ZSWIM3: variants seen among roughly 807,000 people sequenced by gnomAD.
ZSWIM3 encodes zinc finger SWIM-type containing 3, also known as zinc finger SWIM domain-containing protein 3.
A neutral mutation model predicts 47.5 loss-of-function variants in ZSWIM3; 27 were observed. That is an observed-to-expected ratio of 0.57 (90% CI 0.42 to 0.78). The LOEUF (loss-of-function observed/expected upper bound fraction) is 0.78, where lower values mean the gene tolerates loss of function less well. ZSWIM3 is among the 30% of genes least tolerant of loss of function. ZSWIM3 has a pLI of 0.00. For synonymous variants in ZSWIM3, 333 were observed against 333.9 expected (o/e 1.00, Z 0.03); for missense variants, 689 against 861.3 (o/e 0.80, Z 2.50).
At chr20:45,876,024 GTTTTTTGTTTTTTTGT>G (rs141851265) in intron 1 of ZSWIM3, among the ~76,000 whole-genome samples, 22 of 148,788 alleles carry the variant, frequency 1.5e-4, no homozygotes, top group African/African-American at 4.2e-4. Flanking sequence ...CTGTTTGTTT[GTTTTTTGTTTTTTTGT>G]TTTTTTGTTT....
intron 1 of ZSWIM3, among the ~76,000 whole-genome samples, chr20:45,871,079 T>C (rs1393008532): frequency 6.6e-6 from 1 of 152,160 alleles, no homozygotes; most frequent in African/African-American, 2.4e-5. Flanking sequence ...TTTTTCTGTT[T>C]CCCTTAATCT....
Position 45,877,300 on chromosome 20 carries a change from G to C in ZSWIM3, c.742G>C (p.Val248Leu), listed in dbSNP as rs1466988168. ...GGAGAACAAGGAACGAGAAAGTCGA[G>C]TGGTGCACTTTGCTGTGCTCAAGGC... ...LVENKERESRVVHFAVLKAET... is the reference protein window; with the variant it reads ...LVENKERESRLVHFAVLKAET... The change falls in exon 2 of 2, where the codon GTG becomes CTG. Residue 248 changes from valine to leucine, a missense_variant. Physicochemically the swap from Val to Leu is conservative, Grantham distance 32. Coordinates refer to ENST00000255152, the MANE Select transcript of ZSWIM3 (RefSeq NM_080752.4). 6.2e-7 allele frequency: 1 copy of C among 1,614,190 alleles called. No individual in the cohort carries two copies. Among genetic ancestry groups the C allele is most frequent in the Non-Finnish European group, 8.5e-7 (1 of 1,180,042 alleles).
Position 45,877,380 on chromosome 20 carries a change from C to G in ZSWIM3, c.822C>G (p.Ser274=), listed in dbSNP as rs777906861. 3 of 1,614,164 alleles carry G rather than the reference C, an allele frequency of 1.9e-6. No individual in the cohort carries two copies. In the South Asian group the frequency reaches 3.3e-5, roughly 18 times the overall value. ...TGAGCATCTTCACAGAGTTCAACTC[C>G]GATTGGCCCAAGGTCAAGGTGGTCT... The part of the protein sequence containing the change: ...KMLSIFTEFN[S]DWPKVKVVFV... Residue 274 remains serine (S), a synonymous_variant, in exon 2 of 2, where the codon TCC becomes TCG. Coordinates refer to ENST00000255152, the MANE Select transcript of ZSWIM3 (RefSeq NM_080752.4).
Position 45,876,905 on chromosome 20 carries a change from G to A in ZSWIM3, c.347G>A (p.Gly116Asp). ...GCTAGTCCTGGAGGAGACACCACTG[G>A]CAAATCTCAAAAGACAATGTGCCTG... is the stretch of plus-strand genomic sequence containing the variant. ...KVASPGGDTTGKSQKTMCLQR... is the reference protein window; with the variant it reads ...KVASPGGDTTDKSQKTMCLQR... The change falls in exon 2 of 2, where the codon GGC becomes GAC. Residue 116 changes from glycine (G) to aspartate (D), a missense_variant. Coordinates refer to ENST00000255152, the MANE Select transcript of ZSWIM3 (RefSeq NM_080752.4). The A allele has an allele frequency of 6.2e-7, 1 of 1,614,062 alleles. No homozygotes were observed.
chr20:45,857,908 T>G lies in ZSWIM3; in HGVS notation c.83T>G (p.Phe28Cys). ...TACAAAAGGGAGAACAGGTGCTCCT[T>G]CATTCTCAGGGACTGCGTCTCCGTC... ...SAYKRENRCS[F>C]ILRDCVSVRF... Residue 28 changes from phenylalanine (F) to cysteine (C), a missense_variant, in exon 1 of 2, where the codon TTC becomes TGC. Coordinates refer to ENST00000255152, the MANE Select transcript of ZSWIM3 (RefSeq NM_080752.4). 1 of 1,610,520 alleles carries G rather than the reference T, an allele frequency of 6.2e-7. No homozygotes were observed. The highest frequency in any genetic ancestry group is 8.5e-7 in the Non-Finnish European group (1 of 1,178,998).
At chr20:45,859,629 C>T (rs1985652278) in intron 1 of ZSWIM3, among the ~76,000 whole-genome samples, 1 of 151,674 alleles carries the variant, frequency 6.6e-6, no homozygotes, top group Non-Finnish European at 1.5e-5. Flanking sequence ...GGAGCAAAGA[C>T]AAAGATACAT....
chr20:45,864,338 C>T, intron 1 of ZSWIM3, among the ~76,000 whole-genome samples: 1 of 152,128 alleles, frequency 6.6e-6, no homozygotes, highest in East Asian at 1.9e-4. Context: ...TCATTTATTG[C>T]AAACTGGCTC....
Position 45,876,733 on chromosome 20 carries a change from G to A in ZSWIM3, c.175G>A (p.Val59Ile). 7.4e-6 allele frequency: 12 copies of A among 1,612,850 alleles called. No individual in the cohort carries two copies. Among genetic ancestry groups the A allele is most frequent in the Non-Finnish European group, 1.0e-5 (12 of 1,179,266 alleles). Reference sequence around the variant, plus strand: ...CCCTAGGTATGTGCAGGTGAAATTTGTCTGCATTCGGACCCAATCAAACAG... The same window carrying A: ...CCCTAGGTATGTGCAGGTGAAATTTATCTGCATTCGGACCCAATCAAACAG... ...EDILYVQVKFVCIRTQSNRKR... is the reference protein window; with the variant it reads ...EDILYVQVKFICIRTQSNRKR... Residue 59 changes from valine (V) to isoleucine (I), a missense_variant, in exon 2 of 2, where the codon GTC (valine) becomes ATC (isoleucine). Val to Ile is a conservative substitution (Grantham distance 29). Coordinates refer to ENST00000255152, the MANE Select transcript of ZSWIM3 (RefSeq NM_080752.4).
At chr20:45,863,094 C>T (rs767526038) in intron 1 of ZSWIM3, among the ~76,000 whole-genome samples, 4 of 151,810 alleles carry the variant, frequency 2.6e-5, no homozygotes, top group Non-Finnish European at 4.4e-5. Context: ...GTACCTGGCT[C>T]TTCTCACTTA....
intron 1 of ZSWIM3, among the ~76,000 whole-genome samples, chr20:45,874,966 T>C (rs77464382): frequency 0.015 from 2,253 of 151,730 alleles, 27 homozygotes; most frequent in Middle Eastern, 0.024. Flanking sequence ...ATTGTTTTTT[T>C]CCCCATGACA....
chr20:45,873,069 T>C (rs1367423778), intron 1 of ZSWIM3, among the ~76,000 whole-genome samples: 1 of 152,210 alleles, frequency 6.6e-6, no homozygotes, highest in Middle Eastern at 3.4e-3. Context: ...ATCCCACCCA[T>C]TGGTGGTCCA....
intron 1 of ZSWIM3, among the ~76,000 whole-genome samples, chr20:45,875,034 A>AATTTT (rs1986056553): frequency 9.6e-6 from 1 of 104,154 alleles, no homozygotes; most frequent in African/African-American, 3.4e-5. Flanking sequence ...TTTAATTTTA[A>AATTTT]CTTTTTTTTT....
intron 1 of ZSWIM3, among the ~76,000 whole-genome samples, chr20:45,871,864 G>GGA (rs1985983219): frequency 7.6e-6 from 1 of 131,914 alleles, no homozygotes. Context: ...CTGTCTCAAA[G>GGA]AAAAAAAAAA....
chr20:45,867,893 C>T (rs1211996822), intron 1 of ZSWIM3, among the ~76,000 whole-genome samples: 1 of 152,210 alleles, frequency 6.6e-6, no homozygotes. Flanking sequence ...CAAGAATTGT[C>T]TCAATCCTAC....
chr20:45,876,180 C>G (rs185559760), intron 1 of ZSWIM3, among the ~76,000 whole-genome samples: 2 of 151,932 alleles, frequency 1.3e-5, no homozygotes, highest in Admixed American at 1.3e-4. Context: ...GTAGCTGGGA[C>G]TACAGGCATG....
At chr20:45,861,120 A>G (rs915256182) in intron 1 of ZSWIM3, among the ~76,000 whole-genome samples, 3 of 152,156 alleles carry the variant, frequency 2.0e-5, no homozygotes, top group Non-Finnish European at 4.4e-5. Context: ...ACAAAACAAA[A>G]TTTAAAATTA....
At chr20:45,869,054 G>A (rs950603704) in intron 1 of ZSWIM3, among the ~76,000 whole-genome samples, 3 of 151,830 alleles carry the variant, frequency 2.0e-5, no homozygotes, top group Non-Finnish European at 4.4e-5. Flanking sequence ...CACCCGCCTC[G>A]GCCTCCCAAA....
chr20:45,871,461 T>C (rs1985972657), intron 1 of ZSWIM3, among the ~76,000 whole-genome samples: 1 of 152,166 alleles, frequency 6.6e-6, no homozygotes, highest in Admixed American at 6.6e-5. Flanking sequence ...ATAAGTAGTA[T>C]AATAGGAAGA....
chr20:45,869,756 C>G (rs1985924941), intron 1 of ZSWIM3, among the ~76,000 whole-genome samples: 1 of 151,732 alleles, frequency 6.6e-6, no homozygotes, highest in African/African-American at 2.4e-5. Flanking sequence ...GAAGAAGAAG[C>G]CTTTCTTGCC....
Sources: allele counts gnomAD v4.1 joint callset (sites outside exome capture counted in the v4.1 genomes callset), GRCh38; gene constraint gnomAD v4.1.1; transcripts MANE v1.5; gene names NCBI Gene and HGNC (gene_info 2026-07-23, HGNC 2026-07-21).